The following MYLK4 variants were observed in gnomAD, a reference collection of about 807,000 sequenced individuals.
MYLK4 encodes caMLCK like.
In MYLK4, 46 loss-of-function variants were observed where a neutral mutation model predicts 48.1. The observed-to-expected ratio is 0.96, with a 90% CI of 0.75 to 1.22. The LOEUF is 1.22. MYLK4 is among the 50% of genes most tolerant of loss of function. MYLK4 has a pLI of 0.00. For synonymous variants in MYLK4, 170 were observed against 180.8 expected (o/e 0.94, Z 0.48); for missense variants, 451 against 486.1 (o/e 0.93, Z 0.68).
the MYLK4 span, chr6:2,768,788 A>T: frequency 6.2e-7 from 1 of 1,613,970 alleles, no homozygotes; most frequent in Non-Finnish European, 8.5e-7. Flanking sequence ...GATGTGCGAG[A>T]TGTCATAAAA....
chr6:2,685,582 A>C lies in MYLK4; in HGVS notation c.342-6T>G. The C allele has an allele frequency of 1.2e-6, 2 of 1,613,926 alleles. No individual in the cohort carries two copies. The highest frequency in any genetic ancestry group is 2.2e-5 in the East Asian group (1 of 44,882). On this transcript the variant is annotated splice_region_variant and splice_polypyrimidine_tract_variant and intron_variant, in intron 4 of 12. Transcript: ENST00000274643. The surrounding 1 kb of genome is among the most constrained non-coding windows in gnomAD (Gnocchi z 4.5). ...GAACCTGGCCGAAACGCCCTCTGCC[A>C]AAAAGAGGAAGCGGCGTAGCATGAG...
Position 2,664,401 on chromosome 6 carries a change from C to T in MYLK4, c.*3524G>A, listed in dbSNP as rs929441462. 6.6e-6 allele frequency: 1 copy of T among 152,234 alleles called. No homozygotes were observed. The highest frequency in any genetic ancestry group is 1.5e-5 in the Non-Finnish European group (1 of 68,050). 9.4% of individuals were successfully genotyped at this position (152,234 alleles called of 1,614,324 possible). A position where few individuals can be genotyped will look rare whatever the true frequency, so the allele number is the denominator to read the frequency against. The stretch of plus-strand genomic sequence containing the variant: ...ACAGCCCTCCAGGGGCCTGATGCTG[C>T]CTCTCACTTGTGCTTTTACAAGCGG... On this transcript the variant is annotated 3_prime_UTR_variant, in exon 13 of 13. Coordinates refer to ENST00000274643, the MANE Select transcript of MYLK4 (RefSeq NM_001012418.5).
At position 2,679,415 on chromosome 6, in the gene MYLK4, T is replaced by C. The variant is rs757906906; in HGVS notation, c.759-7A>G. On this transcript the variant is annotated splice_polypyrimidine_tract_variant and splice_region_variant and intron_variant, in intron 8 of 12. Coordinates refer to ENST00000274643, the MANE Select transcript of MYLK4 (RefSeq NM_001012418.5). ...CTTCTCTCTGGGTTTGTATCTGCAA[T>C]TTAAGAGACAAAGTGGAAGGATGGA... 2 of 1,614,142 alleles carry C rather than the reference T, an allele frequency of 1.2e-6. No individual in the cohort carries two copies. Among genetic ancestry groups the C allele is most frequent in the South Asian group, 2.2e-5 (2 of 91,082 alleles).
intron 2 of MYLK4, among the ~76,000 whole-genome samples, chr6:2,713,242 T>C (rs1330705194): frequency 1.3e-5 from 2 of 151,896 alleles, no homozygotes; most frequent in African/African-American, 4.8e-5. Flanking sequence ...TGGTGGTGCA[T>C]GCCTGTAATA....
intron 2 of MYLK4, among the ~76,000 whole-genome samples, chr6:2,738,125 A>C (rs1017616635): frequency 3.3e-5 from 5 of 152,182 alleles, no homozygotes; most frequent in Admixed American, 6.5e-5. Flanking sequence ...TTGCACAGTA[A>C]GAATGTGTCA....
the MYLK4 span, among the ~76,000 whole-genome samples, chr6:2,756,971 C>T: frequency 6.6e-6 from 1 of 152,150 alleles, no homozygotes; most frequent in Non-Finnish European, 1.5e-5. Flanking sequence ...AGTAACAAGG[C>T]ATGAAATTAC....
the MYLK4 span, chr6:2,770,312 T>G: frequency 6.2e-7 from 1 of 1,614,154 alleles, no homozygotes; most frequent in African/African-American, 1.3e-5. Context: ...CGTCCTAGAC[T>G]CTAGCCGTCC....
At chr6:2,766,070 G>A in the MYLK4 span, 1 of 1,296,352 alleles carries the variant, frequency 7.7e-7, no homozygotes, top group Non-Finnish European at 9.7e-7. Flanking sequence ...CGCCGCGGCG[G>A]GGAGCGCGTC....
the MYLK4 span, chr6:2,766,089 G>C: frequency 7.6e-7 from 1 of 1,314,028 alleles, no homozygotes; most frequent in African/African-American, 1.5e-5. Context: ...TCTCCGCGCA[G>C]CTGGGACGAG....
intron 11 of MYLK4, among the ~76,000 whole-genome samples, chr6:2,674,283 C>T (rs980275783): frequency 4.6e-5 from 7 of 152,250 alleles, no homozygotes; most frequent in South Asian, 2.1e-4. Flanking sequence ...TATAGATACC[C>T]GGACTAAGCT....
chr6:2,749,140 T>C lies in MYLK4; in HGVS notation c.155A>G (p.Asn52Ser), dbSNP rs759590608. The C allele has an allele frequency of 6.2e-7, 1 of 1,613,372 alleles. No individual in the cohort carries two copies. Among genetic ancestry groups the C allele is most frequent in the Admixed American group, 1.7e-5 (1 of 59,984 alleles). ...ACTAAATTAGAACATGATTACCTCA[T>C]TATGTCCAGATCTTGAATCCTGGTC... is the stretch of plus-strand genomic sequence containing the variant. ...SGDQDSRSGH[N>S]EAKEVWSNAD... Residue 52 changes from asparagine to serine, a missense_variant, in exon 2 of 13, where the codon AAT becomes AGT. Transcript: ENST00000274643.
intron 2 of MYLK4, among the ~76,000 whole-genome samples, chr6:2,743,700 G>A (rs962379715): frequency 1.1e-4 from 16 of 152,134 alleles, no homozygotes; most frequent in African/African-American, 3.4e-4. Flanking sequence ...CCCTGCCCGT[G>A]AGGTTCCCCA....
chr6:2,741,821 C>G (rs1293302419), intron 2 of MYLK4, among the ~76,000 whole-genome samples: 3 of 152,196 alleles, frequency 2.0e-5, no homozygotes, highest in East Asian at 3.8e-4. Context: ...ACTCACACAA[C>G]TTGTTGGCCT....
intron 12 of MYLK4, among the ~76,000 whole-genome samples, chr6:2,671,063 ACT>A (rs1321028289): frequency 1.3e-5 from 2 of 149,538 alleles, no homozygotes; most frequent in Admixed American, 1.3e-4. Flanking sequence ...AGGAAGTGAG[ACT>A]CTCCCCAACC....
chr6:2,696,807 A>T (rs1192512950), intron 2 of MYLK4, among the ~76,000 whole-genome samples: 1 of 152,240 alleles, frequency 6.6e-6, no homozygotes, highest in African/African-American at 2.4e-5. Context: ...CACACCTGTA[A>T]TCTCAACACT....
chr6:2,742,152 T>C (rs940348317), intron 2 of MYLK4, among the ~76,000 whole-genome samples: 4 of 152,252 alleles, frequency 2.6e-5, no homozygotes, highest in African/African-American at 9.6e-5. Context: ...GATCAGATGA[T>C]TGACAAGCCA....
chr6:2,664,662 CAT>C lies in MYLK4; in HGVS notation c.*3261_*3262del, dbSNP rs1386186023. On this transcript the variant is annotated 3_prime_UTR_variant, in exon 13 of 13. Transcript: ENST00000274643. ...TTAAGTATTCACACATCTTTCCAAA[CAT>C]ACATCAAAGCAAGCCACAACAATGG... 6.6e-6 allele frequency: 1 copy of C among 152,208 alleles called. No homozygotes were observed. Among genetic ancestry groups the C allele is most frequent in the Non-Finnish European group, 1.5e-5 (1 of 68,032 alleles). 9.4% of individuals were successfully genotyped at this position (152,208 alleles called of 1,614,324 possible). A position where few individuals can be genotyped will look rare whatever the true frequency, so the allele number is the denominator to read the frequency against.
chr6:2,700,902 C>A (rs916453666), intron 2 of MYLK4, among the ~76,000 whole-genome samples: 1 of 152,164 alleles, frequency 6.6e-6, no homozygotes. Context: ...TAGCACTTTG[C>A]GTAAAAGTAT....
chr6:2,732,988 G>C lies in MYLK4; in HGVS notation c.159+16148C>G, dbSNP rs570160428. Among the ~76,000 whole-genome samples, 4 of 152,310 alleles carry C rather than the reference G, an allele frequency of 2.6e-5. No individual in the cohort carries two copies. The East Asian group carries it at 7.7e-4, about 29-fold the overall frequency. On this transcript the variant is annotated intron_variant, in intron 2 of 12. Coordinates refer to ENST00000274643, the MANE Select transcript of MYLK4 (RefSeq NM_001012418.5). ...TGGATTTCATTCAATTTCTCAAGTC[G>C]ATTCAAGGAAGGTTGACTTTATTAT... is the stretch of plus-strand genomic sequence containing the variant.
Sources: allele counts gnomAD v4.1 joint callset (sites outside exome capture counted in the v4.1 genomes callset), GRCh38; gene constraint gnomAD v4.1.1; non-coding constraint Gnocchi (gnomAD v3.1); transcripts MANE v1.5; gene names NCBI Gene and HGNC (gene_info 2026-07-23, HGNC 2026-07-21).